TNFRSF21: variants seen among roughly 807,000 people sequenced by gnomAD.
TNFRSF21 encodes tumor necrosis factor receptor superfamily member 21.
A neutral mutation model predicts 45.6 loss-of-function variants in TNFRSF21; 19 were observed. That is an observed-to-expected ratio of 0.42 (90% CI 0.29 to 0.61). TNFRSF21 has a LOEUF of 0.61. Among genes scored for constraint, TNFRSF21 ranks in the 20% least tolerant of loss-of-function variants. The pLI is 0.23. For synonymous variants in TNFRSF21, 314 were observed against 335.5 expected (o/e 0.94, Z 0.70); for missense variants, 737 against 851.5 (o/e 0.87, Z 1.67).
At chr6:47,250,968 T>G (rs564280958) in intron 4 of TNFRSF21, among the ~76,000 whole-genome samples, 83 of 152,346 alleles carry the variant, frequency 5.4e-4, no homozygotes, top group Middle Eastern at 6.8e-3. Context: ...TGTATAAAAT[T>G]ACCTTCAGGC....
intron 4 of TNFRSF21, among the ~76,000 whole-genome samples, chr6:47,249,075 T>C (rs1376227003): frequency 1.3e-5 from 2 of 152,200 alleles, no homozygotes; most frequent in East Asian, 1.9e-4. Context: ...GTCTCCATAC[T>C]GATGTTCTAA....
At chr6:47,234,204 T>C (rs1764628037) in intron 5 of TNFRSF21, among the ~76,000 whole-genome samples, 1 of 152,134 alleles carries the variant, frequency 6.6e-6, no homozygotes, top group African/African-American at 2.4e-5. Flanking sequence ...CTCTAACTCC[T>C]GGCTTCAAGT....
At chr6:47,243,377 G>A (rs559096560) in intron 4 of TNFRSF21, among the ~76,000 whole-genome samples, 28 of 152,042 alleles carry the variant, frequency 1.8e-4, no homozygotes, top group South Asian at 6.2e-4. Context: ...GTGTGTGTGT[G>A]TATATATATG....
At chr6:47,234,604 G>A in intron 5 of TNFRSF21, 66 bp downstream of exon 5, 1 of 1,306,388 alleles carries the variant, frequency 7.7e-7, no homozygotes, top group Non-Finnish European at 1.1e-6. Flanking sequence ...GGACGGGGAG[G>A]GACGAATCCC....
At chr6:47,237,135 G>C (rs1221631323) in intron 4 of TNFRSF21, among the ~76,000 whole-genome samples, 1 of 152,140 alleles carries the variant, frequency 6.6e-6, no homozygotes, top group Non-Finnish European at 1.5e-5. Flanking sequence ...TAGCATCACA[G>C]CAGAGCTAAC....
Position 47,234,667 on chromosome 6 carries a change from T to G in TNFRSF21, c.1738+3A>C. 6.2e-7 allele frequency: 1 copy of G among 1,604,386 alleles called. No individual in the cohort carries two copies. The highest frequency in any genetic ancestry group is 8.5e-7 in the Non-Finnish European group (1 of 1,175,520). ...TGTGTGAGGTCTGCTGCGATGCCCG[T>G]ACCTTTGGTAATAAAGGAACCGTTC... On this transcript the variant is annotated splice_donor_region_variant and intron_variant, in intron 5 of 5. Coordinates refer to ENST00000296861, the MANE Select transcript of TNFRSF21 (RefSeq NM_014452.5).
At chr6:47,282,998 T>G in intron 3 of TNFRSF21, among the ~76,000 whole-genome samples, 1 of 152,310 alleles carries the variant, frequency 6.6e-6, no homozygotes, top group East Asian at 1.9e-4. Flanking sequence ...TTCACAAGAA[T>G]GGAATTGCCA....
At chr6:47,243,293 T>C (rs1188271278) in intron 4 of TNFRSF21, among the ~76,000 whole-genome samples, 2 of 152,210 alleles carry the variant, frequency 1.3e-5, no homozygotes, top group East Asian at 3.9e-4. Context: ...TCTATACTTA[T>C]ACCAATAAAT....
chr6:47,269,493 G>A (rs1203483429), intron 3 of TNFRSF21, among the ~76,000 whole-genome samples: 1 of 152,104 alleles, frequency 6.6e-6, no homozygotes, highest in Non-Finnish European at 1.5e-5. Flanking sequence ...TTCCTTAAGG[G>A]TGAACCTGGT....
chr6:47,244,204 T>G (rs1317046176), intron 4 of TNFRSF21, among the ~76,000 whole-genome samples: 1 of 151,526 alleles, frequency 6.6e-6, no homozygotes, highest in Admixed American at 6.6e-5. Flanking sequence ...GGGACCTGTA[T>G]TCCCAGCTAC....
chr6:47,272,095 TAGAC>T (rs1762429975), intron 3 of TNFRSF21, among the ~76,000 whole-genome samples: 2 of 152,268 alleles, frequency 1.3e-5, no homozygotes, highest in Middle Eastern at 3.4e-3. Context: ...TTGTCAGTAT[TAGAC>T]AGATCAACGA....
intron 1 of TNFRSF21, among the ~76,000 whole-genome samples, chr6:47,293,044 C>T (rs1004220856): frequency 2.6e-5 from 4 of 152,198 alleles, no homozygotes; most frequent in Admixed American, 6.5e-5. Context: ...TCCACCTTCC[C>T]TGTAAAGCCT....
intron 1 of TNFRSF21, among the ~76,000 whole-genome samples, chr6:47,303,401 C>A (rs1330662441): frequency 6.6e-6 from 1 of 152,194 alleles, no homozygotes; most frequent in Admixed American, 6.5e-5. Context: ...CTGATCCCCA[C>A]CCACACCCTG....
chr6:47,295,849 T>C (rs1250766448), intron 1 of TNFRSF21, among the ~76,000 whole-genome samples: 2 of 151,760 alleles, frequency 1.3e-5, no homozygotes, highest in Non-Finnish European at 2.9e-5. Context: ...GCAGGGACCA[T>C]TTTTAAAGCT....
At chr6:47,249,927 CA>C (rs1192186834) in intron 4 of TNFRSF21, among the ~76,000 whole-genome samples, 1 of 150,116 alleles carries the variant, frequency 6.7e-6, no homozygotes, top group African/African-American at 2.5e-5. Flanking sequence ...CAAGAGAAAG[CA>C]AGAAAAGATG....
Position 47,286,117 on chromosome 6 carries a change from C to T in TNFRSF21, c.575G>A (p.Cys192Tyr). Reference protein sequence around the residue: ...SVMKCKAYTDCLSQNLVVIKP... With the variant: ...SVMKCKAYTDYLSQNLVVIKP... ...GATCACCACCAGGTTCTGACTCAGA[C>T]AGTCTGTGTATGCTTTGCATTTCAT... Residue 192 changes from cysteine to tyrosine, a missense_variant, in exon 2 of 6, where the codon TGT (cysteine) becomes TAT (tyrosine). Cys to Tyr is a radical substitution (Grantham distance 194, BLOSUM62 -2). Coordinates refer to ENST00000296861, the MANE Select transcript of TNFRSF21 (RefSeq NM_014452.5). The T allele has an allele frequency of 6.2e-7, 1 of 1,614,200 alleles. No homozygotes were observed. Among genetic ancestry groups the T allele is most frequent in the Non-Finnish European group, 8.5e-7 (1 of 1,180,042 alleles).
intron 3 of TNFRSF21, among the ~76,000 whole-genome samples, chr6:47,267,578 C>T (rs1440118627): frequency 6.6e-6 from 1 of 152,106 alleles, no homozygotes; most frequent in Admixed American, 6.5e-5. Context: ...AATGTCCCTC[C>T]GCCTCACTCC....
At chr6:47,248,227 T>C (rs1764850265) in intron 4 of TNFRSF21, among the ~76,000 whole-genome samples, 1 of 152,168 alleles carries the variant, frequency 6.6e-6, no homozygotes, top group Non-Finnish European at 1.5e-5. Flanking sequence ...CTGCAAAGCA[T>C]CACTTTAATA....
chr6:47,298,863 T>G (rs770423356), intron 1 of TNFRSF21, among the ~76,000 whole-genome samples: 2 of 152,212 alleles, frequency 1.3e-5, no homozygotes, highest in Non-Finnish European at 2.9e-5. Context: ...AATATTAACC[T>G]ACTGAGGGCT....
Sources: allele counts gnomAD v4.1 joint callset (sites outside exome capture counted in the v4.1 genomes callset), GRCh38; gene constraint gnomAD v4.1.1; transcripts MANE v1.5; gene names NCBI Gene and HGNC (gene_info 2026-07-23, HGNC 2026-07-21).